The following NPHP1 variants were observed in gnomAD, a reference collection of about 807,000 sequenced individuals.
NPHP1 encodes the protein nephrocystin 1.
Under a neutral mutation model 90.4 loss-of-function variants are expected in NPHP1, and 70 were observed. That is an observed-to-expected ratio of 0.77 (90% CI 0.64 to 0.95). The LOEUF (loss-of-function observed/expected upper bound fraction) is 0.95, where lower values mean the gene tolerates loss of function less well. Among genes scored for constraint, NPHP1 ranks in the 40% least tolerant of loss-of-function variants. The probability of loss-of-function intolerance (pLI) is 0.00; values close to 1 mark genes in which losing one functional copy is unlikely to be tolerated. For synonymous variants in NPHP1, 256 were observed against 271.7 expected, an observed-to-expected ratio of 0.94 and a Z score of 0.57; for missense variants, 764 against 795.9, an observed-to-expected ratio of 0.96 and a Z score of 0.48.
intron 4 of NPHP1, among the ~76,000 whole-genome samples, chr2:110,173,339 A>C (rs1683297964): frequency 6.6e-6 from 1 of 152,096 alleles, no homozygotes; most frequent in South Asian, 2.1e-4. Flanking sequence ...AAACTCTTGA[A>C]ATTTGGTGAC....
intron 11 of NPHP1, among the ~76,000 whole-genome samples, chr2:110,156,782 T>TTG: frequency 7.7e-6 from 1 of 129,506 alleles, no homozygotes; most frequent in East Asian, 2.0e-4. Flanking sequence ...TGGTTTCTGT[T>TTG]TTTTTTTTTT....
chr2:110,132,934 C>G (rs1463188026), intron 16 of NPHP1, among the ~76,000 whole-genome samples: 1 of 151,784 alleles, frequency 6.6e-6, no homozygotes, highest in Non-Finnish European at 1.5e-5. Flanking sequence ...AAAAGGGAAT[C>G]AAAATTTGTC....
At chr2:110,176,515 A>G (rs890351239) in intron 4 of NPHP1, among the ~76,000 whole-genome samples, 10 of 151,916 alleles carry the variant, frequency 6.6e-5, no homozygotes, top group Non-Finnish European at 1.3e-4. Context: ...TTTTTTTTAT[A>G]CTGGTTGCTG....
chr2:110,175,854 CA>C, intron 4 of NPHP1, among the ~76,000 whole-genome samples: 1 of 152,126 alleles, frequency 6.6e-6, no homozygotes, highest in East Asian at 1.9e-4. Context: ...CAACTTTTAA[CA>C]GTGTCCCACC....
chr2:110,125,736 C>CA, intron 18 of NPHP1, 55 bp from the exon 19 acceptor site: 1 of 1,396,090 alleles, frequency 7.2e-7, no homozygotes, highest in Non-Finnish European at 1.0e-6. Context: ...GTCCTTGCAA[C>CA]ACTTATGCAA....
At chr2:110,185,831 G>A (rs891296057) in intron 2 of NPHP1, among the ~76,000 whole-genome samples, 7 of 152,178 alleles carry the variant, frequency 4.6e-5, no homozygotes, top group African/African-American at 1.7e-4. Flanking sequence ...AGGAGGGCAG[G>A]AGTAGTACTC....
chr2:110,171,597 T>C (rs1056699868), intron 4 of NPHP1, among the ~76,000 whole-genome samples: 1 of 152,174 alleles, frequency 6.6e-6, no homozygotes. Flanking sequence ...TTTCAACGCG[T>C]CTCTTTCCTT....
chr2:110,134,253 A>G (rs893499908), intron 16 of NPHP1, among the ~76,000 whole-genome samples: 1 of 152,048 alleles, frequency 6.6e-6, no homozygotes, highest in Non-Finnish European at 1.5e-5. Context: ...TAAATGAAAC[A>G]GGCACATTTC....
At chr2:110,201,250 C>T (rs1685558266) in intron 2 of NPHP1, among the ~76,000 whole-genome samples, 171 bp downstream of exon 2, 1 of 152,138 alleles carries the variant, frequency 6.6e-6, no homozygotes, top group African/African-American at 2.4e-5. Flanking sequence ...GTTGCTGTCA[C>T]AACAGCAAGT....
chr2:110,183,873 C>T (rs565621957), intron 2 of NPHP1, among the ~76,000 whole-genome samples: 2 of 152,198 alleles, frequency 1.3e-5, no homozygotes, highest in East Asian at 3.9e-4. Flanking sequence ...CACCACAAGG[C>T]ACTTACTCTA....
intron 2 of NPHP1, 30 bp downstream of exon 2, chr2:110,201,391 G>T: frequency 2.1e-6 from 3 of 1,425,154 alleles, no homozygotes; most frequent in Non-Finnish European, 2.0e-6. Flanking sequence ...TGCGGTTCCT[G>T]TAAAGCTTAT....
intron 2 of NPHP1, among the ~76,000 whole-genome samples, chr2:110,198,864 T>C (rs532870795): frequency 1.3e-3 from 204 of 152,204 alleles, no homozygotes; most frequent in Non-Finnish European, 2.4e-3. Flanking sequence ...TCCCTCATTG[T>C]TCAATAAAAA....
At chr2:110,136,243 T>C (rs1011542443) in intron 16 of NPHP1, among the ~76,000 whole-genome samples, 1 of 152,088 alleles carries the variant, frequency 6.6e-6, no homozygotes, top group Non-Finnish European at 1.5e-5. Context: ...ACTGGAAGCA[T>C]TCCCTTTGAA....
At chr2:110,155,571 T>C (rs1402894439) in intron 11 of NPHP1, among the ~76,000 whole-genome samples, 1 of 152,162 alleles carries the variant, frequency 6.6e-6, no homozygotes, top group African/African-American at 2.4e-5. Flanking sequence ...CCCAAGACCA[T>C]GTGAACCCAC....
At chr2:110,184,062 T>C (rs1006177114) in intron 2 of NPHP1, 6 of 515,186 alleles carry the variant, frequency 1.2e-5, no homozygotes, top group Admixed American at 1.0e-4. Context: ...TGCCGTGGAG[T>C]CTTACGATAC....
chr2:110,136,775 T>C (rs1680233105), intron 16 of NPHP1, among the ~76,000 whole-genome samples: 1 of 152,092 alleles, frequency 6.6e-6, no homozygotes, highest in Non-Finnish European at 1.5e-5. Context: ...TTCAATGCCA[T>C]CCCCATCAAG....
chr2:110,162,925 G>C, intron 9 of NPHP1, 123 bp downstream of exon 9: 1 of 730,298 alleles, frequency 1.4e-6, no homozygotes, highest in South Asian at 1.5e-5. Context: ...GAAAAGATGA[G>C]CACCAAAGAG....
chr2:110,201,488 T>A lies in NPHP1; in HGVS notation c.76A>T (p.Ser26Cys). Residue 26 changes from serine to cysteine, a missense_variant, in exon 2 of 20, where the codon AGT becomes TGT. Physicochemically the swap from Ser to Cys is moderately radical, Grantham distance 112 (BLOSUM62 -1). Coordinates refer to ENST00000445609, the MANE Select transcript of NPHP1 (RefSeq NM_001128178.3). ...RNQELKQQVD[S>C]LLSESQLKEA... ...TTCAGTTGGCTCTCAGAAAGCAAAC[T>A]ATCAACCTATGGAGACCATTTAAAA... 6.2e-7 allele frequency: 1 copy of A among 1,606,788 alleles called. No individual in the cohort carries two copies. The highest frequency in any genetic ancestry group is 8.5e-7 in the Non-Finnish European group (1 of 1,174,654).
Position 110,170,027 on chromosome 2 carries a change from C to T in NPHP1, c.330-29G>A, listed in dbSNP as rs200383376. On this transcript the variant is annotated intron_variant, in intron 4 of 19. Transcript: ENST00000445609. ...CAAAAAGTGTTTCTGAGTAGGACTACTTGAAATAATATACAAGAACAGACC... is the reference window on the plus strand; with the variant it reads ...CAAAAAGTGTTTCTGAGTAGGACTATTTGAAATAATATACAAGAACAGACC... 258 of 1,612,370 alleles carry T rather than the reference C, an allele frequency of 1.6e-4. 3 individuals are homozygous for T. The African/African-American group carries it at 2.9e-3, about 18-fold the overall frequency.
Sources: allele counts gnomAD v4.1 joint callset (sites outside exome capture counted in the v4.1 genomes callset), GRCh38; gene constraint gnomAD v4.1.1; transcripts MANE v1.5; gene names NCBI Gene and HGNC (gene_info 2026-07-23, HGNC 2026-07-21).